The following PCCB variants were observed in gnomAD, a reference collection of about 807,000 sequenced individuals.
The protein encoded by PCCB is propionyl-CoA carboxylase subunit beta, also known as propionyl-CoA carboxylase beta chain, mitochondrial.
Under a neutral mutation model 60.7 loss-of-function variants are expected in PCCB, and 43 were observed. That is an observed-to-expected ratio of 0.71 (90% confidence interval 0.55 to 0.91). PCCB has a LOEUF of 0.91. Among genes scored for constraint, PCCB ranks in the 40% least tolerant of loss-of-function variants. The probability of loss-of-function intolerance (pLI) is 0.00; values close to 1 mark genes in which losing one functional copy is unlikely to be tolerated. For synonymous variants in PCCB, 276 were observed against 255.9 expected, an observed-to-expected ratio of 1.08 and a Z score of -0.75; for missense variants, 766 against 702.8, an observed-to-expected ratio of 1.09 and a Z score of -1.02.
intron 9 of PCCB, among the ~76,000 whole-genome samples, chr3:136,311,870 A>G (rs1934682395): frequency 6.6e-6 from 1 of 152,222 alleles, no homozygotes; most frequent in Non-Finnish European, 1.5e-5. Flanking sequence ...TTATTAACAA[A>G]CTGGTGATTC....
chr3:136,260,611 AAG>A, intron 4 of PCCB, 76 bp downstream of exon 4: 1 of 1,243,204 alleles, frequency 8.0e-7, no homozygotes, highest in Non-Finnish European at 1.2e-6. Flanking sequence ...TTTGGGGTAC[AAG>A]ACACTGAGCT....
intron 7 of PCCB, among the ~76,000 whole-genome samples, chr3:136,294,511 A>T (rs1057167847): frequency 1.3e-5 from 2 of 151,146 alleles, no homozygotes; most frequent in African/African-American, 2.4e-5. Flanking sequence ...GGGTTTTACC[A>T]TGTTGCCAGG....
intron 10 of PCCB, among the ~76,000 whole-genome samples, chr3:136,320,168 T>G (rs560410994): frequency 4.9e-4 from 75 of 152,342 alleles, no homozygotes; most frequent in Non-Finnish European, 3.2e-4. Flanking sequence ...AGGATTGTTT[T>G]AGGCATTTGG....
At chr3:136,260,933 G>A (rs901892376) in intron 4 of PCCB, among the ~76,000 whole-genome samples, 2 of 152,188 alleles carry the variant, frequency 1.3e-5, no homozygotes, top group Non-Finnish European at 2.9e-5. Context: ...TTAATAGGAC[G>A]TAAAAATATC....
chr3:136,280,235 A>G lies in PCCB; in HGVS notation c.544-3602A>G, dbSNP rs1942441986. ...TTCTTGTATGGCGTGTCTATTGCAA[A>G]TGAATGCTCTCAGCTTTTGTTGACT... On this transcript the variant is annotated intron_variant, in intron 5 of 14. Coordinates refer to ENST00000251654, the MANE Select transcript of PCCB (RefSeq NM_000532.5). Among the ~76,000 whole-genome samples the G allele has an allele frequency of 3.3e-5, 5 of 152,242 alleles. No homozygotes were observed. In the South Asian group the frequency reaches 1.0e-3, roughly 31 times the overall value.
intron 8 of PCCB, 134 bp downstream of exon 8, chr3:136,298,206 G>A: frequency 2.8e-6 from 3 of 1,055,580 alleles, no homozygotes; most frequent in Non-Finnish European, 2.9e-6. Context: ...CAGGTGTGGG[G>A]ATGATGTCAT....
chr3:136,254,366 G>A (rs193234646), intron 1 of PCCB, among the ~76,000 whole-genome samples: 96 of 151,332 alleles, frequency 6.3e-4, no homozygotes, highest in African/African-American at 2.3e-3. Context: ...CTACAGGTGG[G>A]TGCTACCAAG....
rs1315504717 is a variant in PCCB at position 136,250,372 on chromosome 3, A to G, written c.-4A>G. ...CCGGTAGGGGACGCGCCGGCACAGC[A>G]AAAATGGCGGCGGCATTACGGGTGG... On this transcript the variant is annotated 5_prime_UTR_variant, in exon 1 of 15. Transcript: ENST00000251654. 59 of 1,523,322 alleles carry G rather than the reference A, an allele frequency of 3.9e-5. No homozygotes were observed. Among genetic ancestry groups the G allele is most frequent in the Non-Finnish European group, 5.0e-5 (57 of 1,131,236 alleles). The allele number at this position is 1,523,322 out of a possible 1,614,324, so 94.4% of individuals were successfully genotyped here. A position where few individuals can be genotyped will look rare whatever the true frequency, so the allele number is the denominator to read the frequency against.
chr3:136,315,296 G>A (rs1227434559), intron 9 of PCCB, among the ~76,000 whole-genome samples: 1 of 152,152 alleles, frequency 6.6e-6, no homozygotes, highest in Non-Finnish European at 1.5e-5. Flanking sequence ...CCAGCACTTT[G>A]GGAGGCCGAG....
Position 136,327,686 on chromosome 3 carries a change from C to T in PCCB, c.1352C>T (p.Thr451Ile), listed in dbSNP as rs145135400. ...VMSSKHLCGD[T>I]NYAWPTAEIA... ...AGCTCTAAGCACCTTTGTGGTGATA[C>T]CAACTATGCCTGGCCCACCGCAGAG... is the stretch of plus-strand genomic sequence containing the variant. The change falls in exon 13 of 15, where the codon ACC (threonine) becomes ATC (isoleucine). Residue 451 changes from threonine to isoleucine, a missense_variant. Coordinates refer to ENST00000251654, the MANE Select transcript of PCCB (RefSeq NM_000532.5). The T allele has an allele frequency of 2.7e-4, 429 of 1,613,926 alleles. 1 individual carries two copies. The South Asian group carries it at 3.4e-3, about 13-fold the overall frequency.
chr3:136,288,613 G>A (rs533336080), intron 6 of PCCB, among the ~76,000 whole-genome samples: 2 of 150,142 alleles, frequency 1.3e-5, no homozygotes, highest in Non-Finnish European at 3.0e-5. Flanking sequence ...CAAAGTGCTG[G>A]GATTACGGGT....
chr3:136,295,212 G>C (rs1306104208), intron 7 of PCCB, among the ~76,000 whole-genome samples: 1 of 152,226 alleles, frequency 6.6e-6, no homozygotes, highest in African/African-American at 2.4e-5. Context: ...AGGCTGGCAT[G>C]CCTGATTTAT....
chr3:136,289,711 C>T (rs1933587407), intron 6 of PCCB, among the ~76,000 whole-genome samples: 1 of 150,322 alleles, frequency 6.7e-6, no homozygotes, highest in African/African-American at 2.5e-5. Flanking sequence ...TTATTTTTGT[C>T]TTCCACTTTT....
At chr3:136,268,088 A>ATATATATATATG (rs1942068081) in intron 5 of PCCB, among the ~76,000 whole-genome samples, 48 of 7,458 alleles carry the variant, frequency 6.4e-3, no homozygotes, top group African/African-American at 0.016. Context: ...GTGTGTGTAG[A>ATATATATATATG]TATATATATA....
At chr3:136,254,448 C>G (rs986501521) in intron 1 of PCCB, among the ~76,000 whole-genome samples, 2 of 149,138 alleles carry the variant, frequency 1.3e-5, no homozygotes, top group Admixed American at 1.3e-4. Flanking sequence ...TCTCGATCTC[C>G]TGACCTCATG....
chr3:136,269,235 G>C (rs1942120863), intron 5 of PCCB, among the ~76,000 whole-genome samples: 1 of 152,062 alleles, frequency 6.6e-6, no homozygotes, highest in African/African-American at 2.4e-5. Flanking sequence ...CTCCAGCCTG[G>C]GTGACAGAGC....
intron 11 of PCCB, 101 bp downstream of exon 11, chr3:136,327,011 C>T (rs1935339987): frequency 1.8e-6 from 2 of 1,118,324 alleles, no homozygotes; most frequent in South Asian, 1.2e-5. Flanking sequence ...GGACTTGTGA[C>T]TTCTCCATGT....
intron 10 of PCCB, 47 bp from the exon 11 acceptor site, chr3:136,326,756 C>A: frequency 7.9e-7 from 1 of 1,270,764 alleles, no homozygotes; most frequent in Non-Finnish European, 1.2e-6. Flanking sequence ...GTGGATAGAA[C>A]TGGGAATTGC....
intron 5 of PCCB, among the ~76,000 whole-genome samples, chr3:136,273,772 C>T (rs570303558): frequency 1.9e-4 from 29 of 149,850 alleles, no homozygotes; most frequent in Non-Finnish European, 3.0e-4. Context: ...ATTAGCCGGG[C>T]GTGGTGGCGG....
Sources: gnomAD v4.1 joint callset for allele counts (sites outside exome capture counted in the v4.1 genomes callset) on GRCh38, gnomAD v4.1.1 for gene constraint, MANE v1.5 for transcripts, NCBI Gene and HGNC (gene_info 2026-07-23, HGNC 2026-07-21) for gene names.